Variants in C1QTNF2 observed in about 807,000 individuals in gnomAD.
C1QTNF2 encodes the protein C1q and TNF related 2, also known as complement C1q tumor necrosis factor-related protein 2.
C1QTNF2 carries 15 observed loss-of-function variants against 17.4 expected under a neutral mutation model. That is an observed-to-expected ratio of 0.86 (90% CI 0.58 to 1.33). C1QTNF2 has a LOEUF of 1.33. C1QTNF2 is among the 40% of genes most tolerant of loss of function. C1QTNF2 has a pLI of 0.00. For synonymous variants in C1QTNF2, 154 were observed against 163.3 expected (o/e 0.94, Z 0.44); for missense variants, 381 against 392.3 (o/e 0.97, Z 0.24).
chr5:160,358,714 A>C (rs1764096356), intron 1 of C1QTNF2, among the ~76,000 whole-genome samples: 1 of 152,140 alleles, frequency 6.6e-6, no homozygotes, highest in Non-Finnish European at 1.5e-5. Flanking sequence ...TCAGTTACAG[A>C]TGGGGAAACC....
rs1410057908 is a variant in C1QTNF2, at chr5:160,348,844, G to T, written c.*324C>A. 4.1e-6 allele frequency: 1 copy of T among 241,396 alleles called. No individual in the cohort carries two copies. Among genetic ancestry groups the T allele is most frequent in the Non-Finnish European group, 8.0e-6 (1 of 124,406 alleles). 15.0% of individuals were successfully genotyped at this position (241,396 alleles called of 1,614,324 possible). A position where few individuals can be genotyped will look rare whatever the true frequency, so the allele number is the denominator to read the frequency against. On this transcript the variant is annotated 3_prime_UTR_variant, in exon 3 of 3. Transcript: ENST00000652664. ...ATCCTGGCATAATATTATATTATTT[G>T]CTTGTATATTTGTAAATTGTATCTC... is the stretch of plus-strand genomic sequence containing the variant.
intron 1 of C1QTNF2, among the ~76,000 whole-genome samples, chr5:160,362,001 C>T (rs1337972195): frequency 6.6e-6 from 1 of 152,220 alleles, no homozygotes; most frequent in Non-Finnish European, 1.5e-5. Context: ...CTCAGCTGGG[C>T]TGCTGGAGCC....
rs762399803 is a variant in C1QTNF2 at position 160,349,398 on chromosome 5, T to C, written c.628A>G (p.Ile210Val). ...TACTGGCCGTTGTGCACCAGGCCGA[T>C]GGCCAGGTGCTTGTTGGCCAGCGTG... ...DITLANKHLA[I>V]GLVHNGQYRI... Residue 210 changes from isoleucine to valine, a missense_variant, in exon 3 of 3, where the codon ATC becomes GTC. Transcript: ENST00000652664. This position sits in a 1 kb window ranked among gnomAD's most constrained non-coding sequence, Gnocchi z 4.3. 87 of 1,613,978 alleles carry C rather than the reference T, an allele frequency of 5.4e-5. No homozygotes were observed. In the South Asian group the frequency reaches 8.7e-4, roughly 16 times the overall value.
At chr5:160,359,845 T>A (rs2113524200) in intron 1 of C1QTNF2, among the ~76,000 whole-genome samples, 1 of 152,218 alleles carries the variant, frequency 6.6e-6, no homozygotes, top group East Asian at 1.9e-4. Context: ...ATAGCAAACA[T>A]CAGAACCCAG....
intron 1 of C1QTNF2, among the ~76,000 whole-genome samples, chr5:160,358,126 C>T (rs1408986158): frequency 6.6e-6 from 1 of 152,242 alleles, no homozygotes; most frequent in East Asian, 1.9e-4. Context: ...GTCTGAGACA[C>T]ACAGGGAGGA....
Position 160,349,075 on chromosome 5 carries a change from G to A in C1QTNF2, c.*93C>T, listed in dbSNP as rs1026928295. 13 of 1,485,504 alleles carry A rather than the reference G, an allele frequency of 8.8e-6. No homozygotes were observed. The highest frequency in any genetic ancestry group is 2.8e-5 in the African/African-American group (2 of 71,096). The allele number at this position is 1,485,504 out of a possible 1,614,324, so 92.0% of individuals were successfully genotyped here. On this transcript the variant is annotated 3_prime_UTR_variant, in exon 3 of 3. Transcript: ENST00000652664. The surrounding 1 kb of genome is among the most constrained non-coding windows in gnomAD (Gnocchi z 4.3). ...AGCCTGAGGCTAGAACCGCTCACTC[G>A]ACCCCCCACCCCCAGCCTACAGTTG...
In C1QTNF2 at chr5:160,354,729, G is replaced by A. The variant is rs1283439185; in HGVS notation, c.244+39C>T. The A allele has an allele frequency of 6.8e-6, 11 of 1,611,728 alleles. No homozygotes were observed. The African/African-American group carries it at 1.1e-4, about 16-fold the overall frequency. On this transcript the variant is annotated intron_variant, in intron 2 of 2. Transcript: ENST00000652664. The stretch of plus-strand genomic sequence containing the variant: ...GCCCCCCACATGCCGGATGCTGTCA[G>A]CCAGGTGGGAACGAGAGTGGCACGT...
chr5:160,363,461 C>T lies in C1QTNF2; in HGVS notation c.-10+7051G>A, dbSNP rs564511742. On this transcript the variant is annotated intron_variant, in intron 1 of 2. Transcript: ENST00000652664. ...ATATTTGATCTGCTATTTTCTCTCT[C>T]CTCATTTCTGGTTCAGCCTAGAAAA... 2.0e-5 allele frequency among the ~76,000 whole-genome samples: 3 copies of T among 152,354 alleles called. No individual in the cohort carries two copies. The East Asian group carries it at 5.8e-4, about 29-fold the overall frequency.
At chr5:160,364,200 G>A (rs1180440826) in intron 1 of C1QTNF2, among the ~76,000 whole-genome samples, 1 of 152,172 alleles carries the variant, frequency 6.6e-6, no homozygotes, top group African/African-American at 2.4e-5. Context: ...CACACTTGCA[G>A]CGGATCTCAA....
intron 1 of C1QTNF2, among the ~76,000 whole-genome samples, chr5:160,369,559 A>G (rs1764311112): frequency 6.6e-6 from 1 of 152,228 alleles, no homozygotes; most frequent in Non-Finnish European, 1.5e-5. Flanking sequence ...CTAACTGAGC[A>G]CCAGCCTTGG....
chr5:160,350,599 G>T, intron 2 of C1QTNF2, among the ~76,000 whole-genome samples: 1 of 152,266 alleles, frequency 6.6e-6, no homozygotes, highest in East Asian at 1.9e-4. Context: ...CTACTTGGGA[G>T]GCTGAGGTGA....
In C1QTNF2 at chr5:160,349,204, T is replaced by A; in HGVS notation, c.822A>T (p.Leu274=). ...TGGGGTCATCCTGGTCGGCATAGATTAGGAAGCCCGTAAAGAGGCTGTCTG... is the reference window on the plus strand; with the variant it reads ...TGGGGTCATCCTGGTCGGCATAGATAAGGAAGCCCGTAAAGAGGCTGTCTG... ...YWTDSLFTGF[L]IYADQDDPNE... is the part of the protein sequence containing the mutation. Residue 274 remains leucine (L), a synonymous_variant, in exon 3 of 3, where the codon CTA becomes CTT. Transcript: ENST00000652664. This position sits in a 1 kb window ranked among gnomAD's most constrained non-coding sequence, Gnocchi z 4.3. 1.2e-6 allele frequency: 2 copies of A among 1,613,870 alleles called. No individual in the cohort carries two copies. Among genetic ancestry groups the A allele is most frequent in the South Asian group, 1.1e-5 (1 of 91,054 alleles).
chr5:160,350,189 G>A (rs1162825788), intron 2 of C1QTNF2, among the ~76,000 whole-genome samples: 1 of 152,136 alleles, frequency 6.6e-6, no homozygotes, highest in Non-Finnish European at 1.5e-5. Context: ...TATAAGCCCT[G>A]CCCACGTGTA....
In C1QTNF2 at chr5:160,370,541, G is replaced by T. The variant is rs1561830416; in HGVS notation, c.-39C>A. On this transcript the variant is annotated 5_prime_UTR_variant, in exon 1 of 3. Coordinates refer to ENST00000652664, the MANE Select transcript of C1QTNF2 (RefSeq NM_031908.6). ...GCGGCTGCCCGCCACGTCCAGGGGC[G>T]TCCGGAGCAAAGAAGCTCTCGGCGG... is the stretch of plus-strand genomic sequence containing the variant. 1.3e-6 allele frequency: 2 copies of T among 1,491,344 alleles called. No individual in the cohort carries two copies. Among genetic ancestry groups the T allele is most frequent in the South Asian group, 1.3e-5 (1 of 75,656 alleles). The allele number at this position is 1,491,344 out of a possible 1,614,324, so 92.4% of individuals were successfully genotyped here.
In C1QTNF2 at chr5:160,348,354, C is replaced by T. The variant is rs746380150; in HGVS notation, c.*814G>A. 3 of 152,358 alleles carry T rather than the reference C, an allele frequency of 2.0e-5. No homozygotes were observed. Among genetic ancestry groups the T allele is most frequent in the East Asian group, 1.9e-4 (1 of 5,188 alleles). The allele number at this position is 152,358 out of a possible 1,614,324, so 9.4% of individuals were successfully genotyped here. On this transcript the variant is annotated 3_prime_UTR_variant, in exon 3 of 3. Coordinates refer to ENST00000652664, the MANE Select transcript of C1QTNF2 (RefSeq NM_031908.6). Reference sequence around the variant, plus strand: ...TTCTGATAAGCCTTCGTGAATGGAACGAGCTCTGCCATGGCCTGGGACATT... The same window carrying T: ...TTCTGATAAGCCTTCGTGAATGGAATGAGCTCTGCCATGGCCTGGGACATT...
chr5:160,367,875 C>T (rs55679202), intron 1 of C1QTNF2, among the ~76,000 whole-genome samples: 3,507 of 152,284 alleles, frequency 0.023, 125 homozygotes, highest in African/African-American at 0.077. Context: ...AATGATTCTC[C>T]ATGTATGTTG....
At chr5:160,351,928 A>T (rs1198378724) in intron 2 of C1QTNF2, among the ~76,000 whole-genome samples, 9 of 144,842 alleles carry the variant, frequency 6.2e-5, no homozygotes, top group African/African-American at 1.6e-4. Flanking sequence ...TTTTTTTTTT[A>T]AAGATAGAGT....
Position 160,351,327 on chromosome 5 carries a change from G to C in C1QTNF2, c.245-1546C>G, listed in dbSNP as rs926072802. Among the ~76,000 whole-genome samples the C allele has an allele frequency of 1.4e-3, 210 of 152,270 alleles. 1 individual carries two copies. The highest frequency in any genetic ancestry group is 4.9e-3 in the African/African-American group (203 of 41,556). On this transcript the variant is annotated intron_variant, in intron 2 of 2. Transcript: ENST00000652664. ...GCAAAACCTATATGGATAATGACTT[G>C]AGTTCACTCGACACAAGGTTGTTAG...
At chr5:160,367,932 C>T (rs1171360429) in intron 1 of C1QTNF2, among the ~76,000 whole-genome samples, 1 of 152,194 alleles carries the variant, frequency 6.6e-6, no homozygotes, top group Non-Finnish European at 1.5e-5. Flanking sequence ...CTTTAAATCT[C>T]CCCACACTTC....
Sources: gnomAD v4.1 joint callset for allele counts (sites outside exome capture counted in the v4.1 genomes callset) on GRCh38, gnomAD v4.1.1 for gene constraint, Gnocchi (gnomAD v3.1) non-coding constraint, MANE v1.5 for transcripts, NCBI Gene and HGNC (gene_info 2026-07-23, HGNC 2026-07-21) for gene names.